The following RIMKLA variants were observed in gnomAD, a reference collection of about 807,000 sequenced individuals.
RIMKLA encodes the protein N-acetylaspartylglutamate synthase A.
Under a neutral mutation model 32.7 loss-of-function variants are expected in RIMKLA, and 14 were observed. The ratio of observed to expected loss-of-function variants is 0.43; its 90% CI spans 0.28 to 0.67. The LOEUF is 0.67. RIMKLA is among the 30% of genes least tolerant of loss of function. RIMKLA has a pLI of 0.18. For synonymous variants in RIMKLA, 176 were observed against 204.1 expected (o/e 0.86, Z 1.18); for missense variants, 410 against 519.0 (o/e 0.79, Z 2.04).
In RIMKLA at chr1:42,423,178, C is replaced by T. The variant is rs1643308235; in HGVS notation, c.*8204C>T. Among the ~76,000 whole-genome samples the T allele has an allele frequency of 6.6e-6, 1 of 152,152 alleles. No individual in the cohort carries two copies. The highest frequency in any genetic ancestry group is 2.1e-4 in the South Asian group (1 of 4,824). The stretch of plus-strand genomic sequence containing the variant: ...AGGGTCAGGGAGTCCAAATTGAGGT[C>T]AGAGCATCAAAGGGATAGTGCTTGA... On this transcript the variant is annotated 3_prime_UTR_variant, in exon 5 of 5. Transcript: ENST00000431473.
intron 3 of RIMKLA, among the ~76,000 whole-genome samples, chr1:42,407,174 G>A (rs1163780717): frequency 6.6e-6 from 1 of 152,124 alleles, no homozygotes; most frequent in African/African-American, 2.4e-5. Flanking sequence ...CCAAAATGCT[G>A]GGATTACAGG....
intron 1 of RIMKLA, chr1:42,396,430 T>C (rs1643048220): frequency 6.6e-6 from 1 of 152,108 alleles, no homozygotes; most frequent in Non-Finnish European, 1.5e-5. Context: ...CCATTCTTCA[T>C]TTATTAAAGG....
intron 1 of RIMKLA, among the ~76,000 whole-genome samples, chr1:42,385,759 C>A (rs5773770): frequency 2.5e-5 from 2 of 79,992 alleles, no homozygotes; most frequent in Non-Finnish European, 4.9e-5. Flanking sequence ...TTCTTTCTTT[C>A]TTTCTTTCTT....
chr1:42,399,325 G>C (rs1643076199), intron 1 of RIMKLA, 79 bp from the exon 2 acceptor site: 3 of 1,077,504 alleles, frequency 2.8e-6, no homozygotes, highest in South Asian at 1.5e-5. Context: ...GTTCAGTCTT[G>C]AAGAGTCTGT....
At chr1:42,400,137 G>A (rs1314886267) in intron 2 of RIMKLA, among the ~76,000 whole-genome samples, 2 of 152,200 alleles carry the variant, frequency 1.3e-5, no homozygotes, top group Non-Finnish European at 2.9e-5. Context: ...TAACAAGAGA[G>A]CAGAATATAG....
chr1:42,388,228 T>C (rs774264254), intron 1 of RIMKLA, among the ~76,000 whole-genome samples: 3 of 152,138 alleles, frequency 2.0e-5, no homozygotes, highest in Non-Finnish European at 4.4e-5. Flanking sequence ...TTGTTTGAGA[T>C]GGAGTCTTGC....
chr1:42,399,252 T>C, intron 1 of RIMKLA, 152 bp from the exon 2 acceptor site: 1 of 607,052 alleles, frequency 1.6e-6, no homozygotes, highest in South Asian at 2.0e-5. Context: ...TAGGGTTGCC[T>C]ATAGAGTTTC....
chr1:42,398,009 T>A (rs1643062511), intron 1 of RIMKLA, among the ~76,000 whole-genome samples: 1 of 152,164 alleles, frequency 6.6e-6, no homozygotes, highest in African/African-American at 2.4e-5. Flanking sequence ...CCTTGAGTAA[T>A]GAGCCTTGGC....
chr1:42,393,781 T>C (rs1643018783), intron 1 of RIMKLA, among the ~76,000 whole-genome samples: 1 of 152,090 alleles, frequency 6.6e-6, no homozygotes. Flanking sequence ...TTATCCACTT[T>C]TATTTTTTTA....
intron 3 of RIMKLA, among the ~76,000 whole-genome samples, chr1:42,408,029 A>G (rs145978531): frequency 4.6e-5 from 7 of 152,260 alleles, no homozygotes; most frequent in South Asian, 2.1e-4. Context: ...ATGTCCGGAG[A>G]ACCCAGTGCA....
chr1:42,399,811 A>C (rs1037714424), intron 2 of RIMKLA, among the ~76,000 whole-genome samples, 177 bp downstream of exon 2: 3 of 152,104 alleles, frequency 2.0e-5, no homozygotes, highest in South Asian at 2.1e-4. Context: ...TCCCTTCTGT[A>C]AGTTATTCAT....
At chr1:42,381,976 G>T (rs1642893385) in intron 1 of RIMKLA, among the ~76,000 whole-genome samples, 1 of 152,180 alleles carries the variant, frequency 6.6e-6, no homozygotes, top group Non-Finnish European at 1.5e-5. Context: ...TTTGCGCCCA[G>T]TTCAGGGTGC....
intron 4 of RIMKLA, among the ~76,000 whole-genome samples, chr1:42,413,501 CAAAAAA>C (rs201462707): frequency 4.8e-5 from 6 of 125,614 alleles, no homozygotes; most frequent in East Asian, 3.0e-4. Flanking sequence ...AAGAGTCTCT[CAAAAAA>C]AAAAAAAAAA....
Position 42,410,027 on chromosome 1 carries a change from C to T in RIMKLA, c.525C>T (p.Asp175=), listed in dbSNP as rs373760809. 8 of 1,614,030 alleles carry T rather than the reference C, an allele frequency of 5.0e-6. No homozygotes were observed. Among genetic ancestry groups the T allele is most frequent in the South Asian group, 1.1e-5 (1 of 91,074 alleles). ...CAAGAGATAAACATCACCTCTCTGA[C>T]ATCTGCCATCTGATCCGCCACGATG... ...FLARDKHHLS[D]ICHLIRHDVP... Residue 175 remains aspartate (D), a synonymous_variant, in exon 4 of 5, where the codon GAC becomes GAT. Transcript: ENST00000431473.
chr1:42,416,310 A>G lies in RIMKLA; in HGVS notation c.*1336A>G, dbSNP rs1042787870. ...ATTGGAGTTATTTTCTTGATGTTGC[A>G]TGTGCCAAGAACACTTAGGGTTCCC... On this transcript the variant is annotated 3_prime_UTR_variant, in exon 5 of 5. Transcript: ENST00000431473. 5.3e-5 allele frequency: 8 copies of G among 152,206 alleles called. No individual in the cohort carries two copies. The highest frequency in any genetic ancestry group is 1.4e-4 in the African/African-American group (6 of 41,442). 9.4% of individuals were successfully genotyped at this position (152,206 alleles called of 1,614,324 possible). A position where few individuals can be genotyped will look rare whatever the true frequency, so the allele number is the denominator to read the frequency against.
rs1643273380 is a variant in RIMKLA, at chr1:42,418,928, T to G, written c.*3954T>G. On this transcript the variant is annotated 3_prime_UTR_variant, in exon 5 of 5. Transcript: ENST00000431473. Reference sequence around the variant, plus strand: ...GTCACTACAGTTTAATATTTTCCTTTGCAACTGGAGGTAAGCCTGTTTGCC... The same window carrying G: ...GTCACTACAGTTTAATATTTTCCTTGGCAACTGGAGGTAAGCCTGTTTGCC... The G allele has an allele frequency of 6.6e-6, 1 of 152,256 alleles. No homozygotes were observed. 9.4% of individuals were successfully genotyped at this position (152,256 alleles called of 1,614,324 possible).
rs1553177707 is a variant in RIMKLA, at chr1:42,416,089, G to GGGGC, written c.*1118_*1119insCGGG. ...GGAATTACCCATTGCACATTTTGCGGGGGGGGGGGCTAATGTAGACATGAC... is the reference window on the plus strand; with the variant it reads ...GGAATTACCCATTGCACATTTTGCGGGGGCGGGGGGGGGCTAATGTAGACATGAC... On this transcript the variant is annotated 3_prime_UTR_variant, in exon 5 of 5. Coordinates refer to ENST00000431473, the MANE Select transcript of RIMKLA (RefSeq NM_173642.4). 1.7e-5 allele frequency: 1 copy of GGGGC among 58,770 alleles called. No individual in the cohort carries two copies. The highest frequency in any genetic ancestry group is 8.6e-4 in the South Asian group (1 of 1,164). 3.6% of individuals were successfully genotyped at this position (58,770 alleles called of 1,614,324 possible).
chr1:42,408,460 C>T (rs932273686), intron 3 of RIMKLA, among the ~76,000 whole-genome samples: 1 of 152,178 alleles, frequency 6.6e-6, no homozygotes, highest in African/African-American at 2.4e-5. Flanking sequence ...GCTCTTGTTG[C>T]CCAGTCTGGA....
At chr1:42,387,658 G>T (rs1642961687) in intron 1 of RIMKLA, among the ~76,000 whole-genome samples, 1 of 152,114 alleles carries the variant, frequency 6.6e-6, no homozygotes, top group Admixed American at 6.6e-5. Context: ...ACAGAGGCAG[G>T]CTTCACGCTC....
Sources: allele counts gnomAD v4.1 joint callset (sites outside exome capture counted in the v4.1 genomes callset), GRCh38; gene constraint gnomAD v4.1.1; transcripts MANE v1.5; gene names NCBI Gene and HGNC (gene_info 2026-07-23, HGNC 2026-07-21).